MYOM2: variants seen among roughly 807,000 people sequenced by gnomAD.
MYOM2 encodes the protein myomesin-2.
A neutral mutation model predicts 187.6 loss-of-function variants in MYOM2; 254 were observed. The ratio of observed to expected loss-of-function variants is 1.35; its 90% CI spans 1.22 to 1.50. The LOEUF is 1.50. Ranked by LOEUF, MYOM2 falls within the 40% of genes most tolerant of loss-of-function variation. MYOM2 has a pLI of 0.00. For missense variants in MYOM2, 2,796 were observed against 1,924.0 expected (o/e 1.45, Z -8.48); for synonymous variants, 981 against 753.8 (o/e 1.30, Z -4.94).
At chr8:2,123,112 A>C in intron 28 of MYOM2, 140 bp from the exon 29 acceptor site, 1 of 514,112 alleles carries the variant, frequency 1.9e-6, no homozygotes, top group Non-Finnish European at 3.4e-6. Context: ...GCTTTTCCAT[A>C]AGCCTTCGTC....
rs1373688429 is a variant in MYOM2, at chr8:2,059,317, G to T, written c.653+72G>T. ...ATTGCAGACCCCAAAGAAGAAGTCA[G>T]ATGGGTAACTGGAGGCCAAATCACA... On this transcript the variant is annotated intron_variant, in intron 6 of 36. Transcript: ENST00000262113. The T allele has an allele frequency of 2.8e-6, 4 of 1,412,604 alleles. No homozygotes were observed. In the Admixed American group the frequency reaches 5.5e-5, roughly 20 times the overall value. 87.5% of individuals were successfully genotyped at this position (1,412,604 alleles called of 1,614,324 possible). A position where few individuals can be genotyped will look rare whatever the true frequency, so the allele number is the denominator to read the frequency against.
In MYOM2 at chr8:2,092,486, G is replaced by T; in HGVS notation, c.1969G>T (p.Glu657Ter). Residue 657 changes from glutamate (E) to a stop codon, truncating the protein, a stop_gained, in exon 16 of 37, where the codon GAG becomes TAG. Transcript: ENST00000262113. LOFTEE classifies it high-confidence loss of function. Reference protein sequence around the residue: ...DCCVAGTNLWEPCNHKPIGYN... With the variant: ...DCCVAGTNLW ...CTGTGTGGCCGGAACCAACCTCTGG[G>T]AGCCCTGCAACCACAAGCCCATCGG... 6.2e-7 allele frequency: 1 copy of T among 1,614,062 alleles called. No homozygotes were observed. Among genetic ancestry groups the T allele is most frequent in the Non-Finnish European group, 8.5e-7 (1 of 1,179,994 alleles).
intron 1 of MYOM2, among the ~76,000 whole-genome samples, chr8:2,047,023 T>C (rs1818332825): frequency 6.6e-6 from 1 of 152,200 alleles, no homozygotes; most frequent in African/African-American, 2.4e-5. Flanking sequence ...ATCTCAAGTA[T>C]CCAATTTCTG....
At chr8:2,111,552 G>A (rs377605379) in intron 25 of MYOM2, among the ~76,000 whole-genome samples, 3 of 152,150 alleles carry the variant, frequency 2.0e-5, no homozygotes, top group East Asian at 1.9e-4. Flanking sequence ...TAAGGACAGT[G>A]CATTTATCTG....
chr8:2,073,250 C>T (rs189853452), intron 9 of MYOM2, 89 bp from the exon 10 acceptor site: 34 of 1,438,170 alleles, frequency 2.4e-5, no homozygotes, highest in Middle Eastern at 1.9e-4. Flanking sequence ...TGTCCTGTCC[C>T]GCTCTGAGAC....
At chr8:2,139,775 C>A (rs34039811) in intron 32 of MYOM2, among the ~76,000 whole-genome samples, 1 of 152,092 alleles carries the variant, frequency 6.6e-6, no homozygotes, top group Non-Finnish European at 1.5e-5. Flanking sequence ...TCCCTCTAAA[C>A]TGAAGTAATG....
chr8:2,140,879 C>T lies in MYOM2; in HGVS notation c.3957C>T (p.Ser1319=), dbSNP rs78845555. 101 of 1,608,728 alleles carry T rather than the reference C, an allele frequency of 6.3e-5. 2 individuals are homozygous for T. Among genetic ancestry groups the T allele is most frequent in the East Asian group, 4.7e-4 (21 of 44,798 alleles). Residue 1319 remains serine (S), a synonymous_variant, in exon 33 of 37, where the codon TCC becomes TCT. Coordinates refer to ENST00000262113, the MANE Select transcript of MYOM2 (RefSeq NM_003970.4). Reference sequence around the variant, plus strand: ...ACCATCAACGCTCCCTTGACCTGTCCGGACAAGGTAAGAGAATTCTTCTTT... The same window carrying T: ...ACCATCAACGCTCCCTTGACCTGTCTGGACAAGGTAAGAGAATTCTTCTTT... The part of the protein sequence containing the change: ...KDNHQRSLDL[S]GQAFDEAFAE...
intron 2 of MYOM2, among the ~76,000 whole-genome samples, chr8:2,051,761 G>A (rs755260297): frequency 1.3e-5 from 2 of 152,206 alleles, no homozygotes; most frequent in Admixed American, 6.5e-5. Context: ...ACCCCAGGGC[G>A]GGCATGTGCG....
chr8:2,111,247 A>G (rs118165294), intron 25 of MYOM2, among the ~76,000 whole-genome samples: 145 of 152,332 alleles, frequency 9.5e-4, no homozygotes, highest in Non-Finnish European at 1.8e-3. Flanking sequence ...TGACTTTTAC[A>G]TTTGAAGATT....
chr8:2,090,622 C>T (rs1346664319), intron 15 of MYOM2, among the ~76,000 whole-genome samples: 1 of 152,170 alleles, frequency 6.6e-6, no homozygotes, highest in Non-Finnish European at 1.5e-5. Context: ...TCCCTCCTCC[C>T]ACCCTAGACC....
rs764871109 is a variant in MYOM2, at chr8:2,092,468, G to C, written c.1951G>C (p.Ala651Pro). The C allele has an allele frequency of 3.1e-6, 5 of 1,614,118 alleles. No individual in the cohort carries two copies. The highest frequency in any genetic ancestry group is 1.7e-4 in the Middle Eastern group (1 of 6,060). ...GGGCTACTACGTGGACTGCTGTGTG[G>C]CCGGAACCAACCTCTGGGAGCCCTG... ...LLGYYVDCCV[A>P]GTNLWEPCNH... is the part of the protein sequence containing the mutation. Residue 651 changes from alanine (A) to proline (P), a missense_variant, in exon 16 of 37, where the codon GCC becomes CCC. Coordinates refer to ENST00000262113, the MANE Select transcript of MYOM2 (RefSeq NM_003970.4).
chr8:2,119,889 G>A (rs1262236539), intron 28 of MYOM2, among the ~76,000 whole-genome samples: 1 of 152,066 alleles, frequency 6.6e-6, no homozygotes, highest in African/African-American at 2.4e-5. Context: ...GGGCGGGGGG[G>A]ATGCCAAAAA....
chr8:2,131,466 C>G (rs935154934), intron 32 of MYOM2, among the ~76,000 whole-genome samples: 1 of 151,766 alleles, frequency 6.6e-6, no homozygotes, highest in Non-Finnish European at 1.5e-5. Flanking sequence ...GCAGGCAGAT[C>G]GGGGCACAGC....
chr8:2,143,013 C>A (rs1798330405), intron 35 of MYOM2, among the ~76,000 whole-genome samples: 1 of 152,044 alleles, frequency 6.6e-6, no homozygotes, highest in Non-Finnish European at 1.5e-5. Context: ...GCCTTGGCCT[C>A]CCAAAGTGTT....
chr8:2,122,642 G>C (rs1797496046), intron 28 of MYOM2, among the ~76,000 whole-genome samples: 1 of 152,212 alleles, frequency 6.6e-6, no homozygotes, highest in Non-Finnish European at 1.5e-5. Context: ...CTGCCATGCT[G>C]AATCAGAATT....
chr8:2,125,211 C>G (rs894277378), intron 31 of MYOM2, among the ~76,000 whole-genome samples: 1 of 152,202 alleles, frequency 6.6e-6, no homozygotes, highest in Non-Finnish European at 1.5e-5. Flanking sequence ...CCAGCGGCTT[C>G]GCAGTTTCAG....
At chr8:2,073,164 G>T (rs547834228) in intron 9 of MYOM2, among the ~76,000 whole-genome samples, 175 bp from the exon 10 acceptor site, 3 of 152,228 alleles carry the variant, frequency 2.0e-5, no homozygotes, top group African/African-American at 7.2e-5. Context: ...CTCAGTTCAC[G>T]CGTGTGCTTC....
intron 21 of MYOM2, 147 bp downstream of exon 21, chr8:2,102,928 A>G (rs1005530407): frequency 3.2e-6 from 2 of 630,510 alleles, no homozygotes; most frequent in Non-Finnish European, 5.7e-6. Flanking sequence ...GTCTGTAGAT[A>G]AATGAATGGG....
At chr8:2,101,651 C>A (rs1412187233) in intron 20 of MYOM2, among the ~76,000 whole-genome samples, 1 of 152,158 alleles carries the variant, frequency 6.6e-6, no homozygotes, top group South Asian at 2.1e-4. Context: ...CTGTTTTCTT[C>A]CACATTGCAG....
Sources: gnomAD v4.1 joint callset for allele counts (sites outside exome capture counted in the v4.1 genomes callset) on GRCh38, gnomAD v4.1.1 for gene constraint, MANE v1.5 for transcripts, NCBI Gene and HGNC (gene_info 2026-07-23, HGNC 2026-07-21) for gene names.